The following ADAMTS17 variants were observed in gnomAD, a reference collection of about 807,000 sequenced individuals.
The protein encoded by ADAMTS17 is ADAM metallopeptidase with thrombospondin type 1 motif 17.
A neutral mutation model predicts 141.5 loss-of-function variants in ADAMTS17; 113 were observed. The observed-to-expected ratio is 0.80, with a 90% CI of 0.69 to 0.93. The LOEUF (loss-of-function observed/expected upper bound fraction) is 0.93. Among genes scored for constraint, ADAMTS17 ranks in the 40% least tolerant of loss-of-function variants. ADAMTS17 has a pLI of 0.00. For synonymous variants in ADAMTS17, 768 were observed against 630.6 expected (o/e 1.22, Z -3.27); for missense variants, 1,659 against 1,517.9 (o/e 1.09, Z -1.54).
At chr15:100,055,708 A>G (rs1056538001) in intron 15 of ADAMTS17, among the ~76,000 whole-genome samples, 5 of 152,214 alleles carry the variant, frequency 3.3e-5, no homozygotes, top group Non-Finnish European at 7.3e-5. Flanking sequence ...AAAGGAGGTG[A>G]GAATGTTGGG....
chr15:100,293,153 G>C (rs896950859), intron 3 of ADAMTS17, among the ~76,000 whole-genome samples: 1 of 152,192 alleles, frequency 6.6e-6, no homozygotes, highest in African/African-American at 2.4e-5. Flanking sequence ...CCTTGGTCCA[G>C]GGAGAGTTAT....
intron 4 of ADAMTS17, among the ~76,000 whole-genome samples, chr15:100,265,898 C>T (rs950054852): frequency 3.4e-4 from 52 of 152,212 alleles, no homozygotes; most frequent in African/African-American, 1.2e-3. Flanking sequence ...ATCAGAGACC[C>T]TGGGTGTGGG....
chr15:100,224,261 C>T (rs528961228), intron 7 of ADAMTS17, among the ~76,000 whole-genome samples: 20 of 152,076 alleles, frequency 1.3e-4, no homozygotes, highest in South Asian at 6.2e-4. Context: ...GTGTACTTGG[C>T]GATTACAGAG....
intron 7 of ADAMTS17, among the ~76,000 whole-genome samples, chr15:100,206,716 T>A (rs1404765526): frequency 6.6e-6 from 1 of 152,144 alleles, no homozygotes; most frequent in Non-Finnish European, 1.5e-5. Context: ...GACAACTAAG[T>A]CTTCCATGGG....
intron 13 of ADAMTS17, among the ~76,000 whole-genome samples, chr15:100,115,773 G>A (rs1201037755): frequency 3.3e-5 from 5 of 152,176 alleles, no homozygotes; most frequent in Non-Finnish European, 7.3e-5. Context: ...TTTTGAGGCT[G>A]TCTAAAAATC....
chr15:100,234,559 G>A (rs2042594422), intron 7 of ADAMTS17, among the ~76,000 whole-genome samples: 1 of 152,248 alleles, frequency 6.6e-6, no homozygotes, highest in Non-Finnish European at 1.5e-5. Flanking sequence ...GCGCAAAGCT[G>A]GGTTTGGGGG....
chr15:99,992,021 G>A lies in ADAMTS17; in HGVS notation c.2949+1027C>T, dbSNP rs557262837. ...GGAACATCACACACCAGGGACTGTC[G>A]TAGGGTGGGGGGCTAGGGGAAGCAG... On this transcript the variant is annotated intron_variant, in intron 20 of 21. Coordinates refer to ENST00000268070, the MANE Select transcript of ADAMTS17 (RefSeq NM_139057.4). Among the ~76,000 whole-genome samples the A allele has an allele frequency of 7.2e-5, 11 of 152,092 alleles. No homozygotes were observed. The East Asian group carries it at 1.7e-3, about 24-fold the overall frequency.
intron 3 of ADAMTS17, among the ~76,000 whole-genome samples, chr15:100,316,401 T>TCGCCATC (rs889562348): frequency 6.6e-6 from 1 of 152,228 alleles, no homozygotes; most frequent in Non-Finnish European, 1.5e-5. Context: ...ACTTCCATTC[T>TCGCCATC]CGCCATCCGT....
intron 3 of ADAMTS17, among the ~76,000 whole-genome samples, chr15:100,318,594 A>G (rs1425457238): frequency 2.0e-5 from 3 of 152,244 alleles, no homozygotes; most frequent in Non-Finnish European, 2.9e-5. Context: ...AACTGTAAGA[A>G]ATAAATTTCT....
chr15:100,218,886 T>C (rs2042048724), intron 7 of ADAMTS17, among the ~76,000 whole-genome samples: 1 of 106,986 alleles, frequency 9.3e-6, no homozygotes, highest in African/African-American at 3.3e-5. Flanking sequence ...CACGCAAACG[T>C]CCACCTGAAC....
At chr15:100,116,752 T>A (rs143545813) in intron 13 of ADAMTS17, 95 bp downstream of exon 13, 1 of 1,577,082 alleles carries the variant, frequency 6.3e-7, no homozygotes, top group East Asian at 2.2e-5. Context: ...TGGGTTGGTT[T>A]GGGAAAGGGA....
At chr15:100,063,826 C>T (rs1403457044) in intron 15 of ADAMTS17, 2 of 1,159,778 alleles carry the variant, frequency 1.7e-6, no homozygotes, top group Admixed American at 4.6e-5. Context: ...TGCAGCATCC[C>T]CCGGCCAAAA....
chr15:100,278,491 G>A (rs2044175239), intron 4 of ADAMTS17, among the ~76,000 whole-genome samples: 1 of 152,160 alleles, frequency 6.6e-6, no homozygotes, highest in Non-Finnish European at 1.5e-5. Context: ...CCAGGTCCCA[G>A]GGGCCTCCTT....
At chr15:100,112,827 G>C (rs910357594) in intron 13 of ADAMTS17, among the ~76,000 whole-genome samples, 2 of 152,084 alleles carry the variant, frequency 1.3e-5, no homozygotes, top group African/African-American at 4.8e-5. Flanking sequence ...GTCACAGGCA[G>C]GGCAGGGAAG....
At chr15:100,049,527 G>A (rs1478154763) in intron 17 of ADAMTS17, among the ~76,000 whole-genome samples, 1 of 152,168 alleles carries the variant, frequency 6.6e-6, no homozygotes, top group Non-Finnish European at 1.5e-5. Flanking sequence ...CAGCCAGCTG[G>A]TACTTATGGC....
intron 7 of ADAMTS17, among the ~76,000 whole-genome samples, chr15:100,253,246 T>C (rs1210981613): frequency 6.7e-6 from 1 of 148,824 alleles, no homozygotes; most frequent in East Asian, 2.0e-4. Context: ...AACCAAACAC[T>C]GTGTGCAAAG....
intron 7 of ADAMTS17, among the ~76,000 whole-genome samples, chr15:100,213,658 C>T (rs1056002502): frequency 3.3e-5 from 5 of 152,254 alleles, no homozygotes; most frequent in Admixed American, 6.5e-5. Context: ...AGACCTGAGA[C>T]GCAAAGCAAA....
At chr15:100,103,654 C>A (rs1471880072) in intron 14 of ADAMTS17, among the ~76,000 whole-genome samples, 5 of 152,090 alleles carry the variant, frequency 3.3e-5, no homozygotes, top group Non-Finnish European at 7.3e-5. Flanking sequence ...TCTTGGCTCA[C>A]TGCAACCTCC....
At position 100,152,151 on chromosome 15, in the gene ADAMTS17, G is replaced by T. The variant is rs533233660; in HGVS notation, c.1473+461C>A. The stretch of plus-strand genomic sequence containing the variant: ...TTATCATATAATCAATTTATTACTT[G>T]TTAAATTTTCCCAATTTGATACGCT... On this transcript the variant is annotated intron_variant, in intron 10 of 21. Coordinates refer to ENST00000268070, the MANE Select transcript of ADAMTS17 (RefSeq NM_139057.4). Among the ~76,000 whole-genome samples the T allele has an allele frequency of 7.2e-5, 11 of 152,242 alleles. No homozygotes were observed. In the South Asian group the frequency reaches 2.1e-3, roughly 29 times the overall value.
Sources: allele counts gnomAD v4.1 joint callset (sites outside exome capture counted in the v4.1 genomes callset), GRCh38; gene constraint gnomAD v4.1.1; transcripts MANE v1.5; gene names NCBI Gene and HGNC (gene_info 2026-07-23, HGNC 2026-07-21).